Variants in ARHGAP22 observed in about 807,000 individuals in gnomAD.
The protein encoded by ARHGAP22 is rho GTPase-activating protein 22.
A neutral mutation model predicts 59.1 loss-of-function variants in ARHGAP22; 48 were observed. The ratio of observed to expected loss-of-function variants is 0.81; its 90% CI spans 0.64 to 1.03. ARHGAP22 has a LOEUF of 1.03. Among genes scored for constraint, ARHGAP22 ranks in the 50% least tolerant of loss-of-function variants. The pLI, the probability that ARHGAP22 is intolerant of heterozygous loss-of-function variation, is 0.00. For synonymous variants in ARHGAP22, 445 were observed against 416.4 expected (o/e 1.07, Z -0.84); for missense variants, 1,015 against 958.7 (o/e 1.06, Z -0.78).
chr10:48,519,000 G>C (rs530891411), intron 3 of ARHGAP22, among the ~76,000 whole-genome samples: 1 of 152,328 alleles, frequency 6.6e-6, no homozygotes, highest in East Asian at 1.9e-4. Flanking sequence ...TCAGAGGCCT[G>C]AGCCAGGAAA....
chr10:48,455,210 G>A lies in ARHGAP22; in HGVS notation c.660-76C>T, dbSNP rs113660901. The A allele has an allele frequency of 4.1e-4, 600 of 1,457,488 alleles. 4 individuals carry two copies. In the African/African-American group the frequency reaches 7.5e-3, roughly 18 times the overall value. 90.3% of individuals were successfully genotyped at this position (1,457,488 alleles called of 1,614,324 possible). A position where few individuals can be genotyped will look rare whatever the true frequency, so the allele number is the denominator to read the frequency against. On this transcript the variant is annotated intron_variant, in intron 5 of 9. Transcript: ENST00000249601. ...TCAGGGGTGACTGGTACGCCCTGAC[G>A]CCAAGGGGCAGCCTCTGGTCTCAGG...
chr10:48,459,068 A>G (rs2046867732), intron 5 of ARHGAP22, among the ~76,000 whole-genome samples: 1 of 152,170 alleles, frequency 6.6e-6, no homozygotes, highest in Admixed American at 6.5e-5. Flanking sequence ...CTATGAAAAA[A>G]CTGCCCCATA....
In ARHGAP22 at chr10:48,453,284, C is replaced by A; in HGVS notation, c.988+20G>T. On this transcript the variant is annotated intron_variant, in intron 8 of 9. Transcript: ENST00000249601. ...AGACCCCGGCAGCACCCAGGGCCACCAGGTACACCTCCCACTTACCTTCCA... is the reference window on the plus strand; with the variant it reads ...AGACCCCGGCAGCACCCAGGGCCACAAGGTACACCTCCCACTTACCTTCCA... 6.2e-7 allele frequency: 1 copy of A among 1,612,766 alleles called. No homozygotes were observed. Among genetic ancestry groups the A allele is most frequent in the South Asian group, 1.1e-5 (1 of 91,044 alleles).
At chr10:48,617,258 G>A (rs1175322544) in intron 1 of ARHGAP22, among the ~76,000 whole-genome samples, 1 of 151,914 alleles carries the variant, frequency 6.6e-6, no homozygotes, top group African/African-American at 2.4e-5. Context: ...TGATAATTGT[G>A]AACTTCAATA....
the ARHGAP22 span, chr10:48,438,497 A>T: frequency 6.6e-6 from 1 of 152,224 alleles, no homozygotes; most frequent in Non-Finnish European, 1.5e-5. Context: ...AGTAACAGTA[A>T]CACTTTCTGG....
chr10:48,524,618 G>A (rs1589940536), intron 3 of ARHGAP22, among the ~76,000 whole-genome samples: 1 of 152,262 alleles, frequency 6.6e-6, no homozygotes, highest in African/African-American at 2.4e-5. Context: ...AGCATCCTCT[G>A]GGCAGTCATC....
At chr10:48,507,899 G>GGGGGGT (rs2052312381) in intron 3 of ARHGAP22, among the ~76,000 whole-genome samples, 1 of 149,968 alleles carries the variant, frequency 6.7e-6, no homozygotes, top group Non-Finnish European at 1.5e-5. Context: ...CGGAAATACT[G>GGGGGGT]GGGGGTGGGG....
upstream of ARHGAP22, among the ~76,000 whole-genome samples, chr10:48,606,526 T>C (rs2060681449): frequency 2.0e-5 from 3 of 152,330 alleles, no homozygotes; most frequent in Non-Finnish European, 2.9e-5. Context: ...GTAGCATCCA[T>C]GGACTCCTCT....
chr10:48,556,158 G>GA (rs1228849118), intron 2 of ARHGAP22, among the ~76,000 whole-genome samples: 1 of 152,116 alleles, frequency 6.6e-6, no homozygotes, highest in Non-Finnish European at 1.5e-5. Context: ...GAAAGGTGCA[G>GA]AAAAAAAGCA....
downstream of ARHGAP22, chr10:48,444,710 C>T (rs574183465): frequency 1.3e-5 from 2 of 152,324 alleles, no homozygotes; most frequent in East Asian, 3.9e-4. Context: ...GGCGAGAAAA[C>T]TCAACAGGGT....
intron 3 of ARHGAP22, among the ~76,000 whole-genome samples, chr10:48,529,782 A>C (rs1256804871): frequency 6.6e-6 from 1 of 152,230 alleles, no homozygotes; most frequent in Non-Finnish European, 1.5e-5. Context: ...CAGAATAGAG[A>C]ACCCAAAAAT....
chr10:48,528,012 C>T (rs1213119934), intron 3 of ARHGAP22, among the ~76,000 whole-genome samples: 1 of 152,142 alleles, frequency 6.6e-6, no homozygotes, highest in African/African-American at 2.4e-5. Context: ...TAGAGGCTGC[C>T]CCATTCATCC....
At chr10:48,558,638 G>A (rs147254340) in intron 2 of ARHGAP22, among the ~76,000 whole-genome samples, 123 of 152,266 alleles carry the variant, frequency 8.1e-4, no homozygotes, top group African/African-American at 2.9e-3. Flanking sequence ...AAGTGTTGGG[G>A]TTACAGGTGT....
chr10:48,484,988 T>A (rs1384791518), intron 3 of ARHGAP22, among the ~76,000 whole-genome samples: 1 of 152,204 alleles, frequency 6.6e-6, no homozygotes, highest in African/African-American at 2.4e-5. Context: ...CATTTTAGGT[T>A]TTTAGGCCAT....
rs1163108380 is a variant in ARHGAP22 at position 48,454,564 on chromosome 10, G to C, written c.793-403C>G. Among the ~76,000 whole-genome samples, 6 of 152,202 alleles carry C rather than the reference G, an allele frequency of 3.9e-5. No homozygotes were observed. The East Asian group carries it at 1.2e-3, about 29-fold the overall frequency. On this transcript the variant is annotated intron_variant, in intron 6 of 9. Coordinates refer to ENST00000249601, the MANE Select transcript of ARHGAP22 (RefSeq NM_021226.4). ...ACCAGCACCTGCACGGGTGGGGACG[G>C]GAGGGCTGGCTCATCTGTCCTGGGA...
At chr10:48,475,008 C>T (rs1406612362) in intron 4 of ARHGAP22, among the ~76,000 whole-genome samples, 1 of 152,178 alleles carries the variant, frequency 6.6e-6, no homozygotes, top group Non-Finnish European at 1.5e-5. Context: ...CCTCCTCCTC[C>T]AGCTGCTGTC....
intron 1 of ARHGAP22, among the ~76,000 whole-genome samples, chr10:48,587,001 C>T (rs868539156): frequency 1.2e-4 from 19 of 152,330 alleles, no homozygotes; most frequent in African/African-American, 4.1e-4. Flanking sequence ...CCTGTAGCAC[C>T]CTATCCCGCA....
chr10:48,575,848 T>C (rs1564914593), intron 2 of ARHGAP22, among the ~76,000 whole-genome samples: 1 of 152,178 alleles, frequency 6.6e-6, no homozygotes, highest in Non-Finnish European at 1.5e-5. Context: ...TGTTCCAGCA[T>C]GGTGAGGATT....
chr10:48,550,930 C>A (rs1471471554), intron 3 of ARHGAP22, among the ~76,000 whole-genome samples: 1 of 152,196 alleles, frequency 6.6e-6, no homozygotes, highest in Non-Finnish European at 1.5e-5. Context: ...TTAAGGATCT[C>A]TCCAATCCTT....
Sources: allele counts gnomAD v4.1 joint callset (sites outside exome capture counted in the v4.1 genomes callset), GRCh38; gene constraint gnomAD v4.1.1; transcripts MANE v1.5; gene names NCBI Gene and HGNC (gene_info 2026-07-23, HGNC 2026-07-21).